The following FERMT1 variants were observed in gnomAD, a reference collection of about 807,000 sequenced individuals.
FERMT1 encodes the protein fermitin family homolog 1.
Under a neutral mutation model 85.3 loss-of-function variants are expected in FERMT1, and 60 were observed. The observed-to-expected ratio is 0.70, with a 90% CI of 0.57 to 0.87. The LOEUF (loss-of-function observed/expected upper bound fraction) is 0.87, where lower values mean the gene tolerates loss of function less well. Ranked by LOEUF, FERMT1 falls within the 40% of genes least tolerant of loss-of-function variation. FERMT1 has a pLI of 0.00. For missense variants in FERMT1, 701 were observed against 818.9 expected, an observed-to-expected ratio of 0.86 and a Z score of 1.76; for synonymous variants, 275 against 301.1, an observed-to-expected ratio of 0.91 and a Z score of 0.90.
rs2232084 is a variant in FERMT1, at chr20:6,077,101, C to A, written c.*72G>T. Reference sequence around the variant, plus strand: ...TAGTCCAGAATCTACATGCTGGGCACGTTAGGGATCCCTCTGGGGAGGGGC... The same window carrying A: ...TAGTCCAGAATCTACATGCTGGGCAAGTTAGGGATCCCTCTGGGGAGGGGC... On this transcript the variant is annotated 3_prime_UTR_variant, in exon 15 of 15. Coordinates refer to ENST00000217289, the MANE Select transcript of FERMT1 (RefSeq NM_017671.5). 5,435 of 1,468,734 alleles carry A rather than the reference C, an allele frequency of 3.7e-3. 126 individuals carry two copies. The African/African-American group carries it at 0.057, about 15-fold the overall frequency. 91.0% of individuals were successfully genotyped at this position (1,468,734 alleles called of 1,614,324 possible).
chr20:6,107,775 T>G, intron 5 of FERMT1, 141 bp from the exon 6 acceptor site: 2 of 565,708 alleles, frequency 3.5e-6, no homozygotes, highest in East Asian at 6.9e-5. Flanking sequence ...GTATCACTAA[T>G]TTGAAAATCT....
At chr20:6,093,698 T>A (rs1218478738) in intron 9 of FERMT1, among the ~76,000 whole-genome samples, 1 of 152,244 alleles carries the variant, frequency 6.6e-6, no homozygotes, top group East Asian at 1.9e-4. Context: ...GGCTCACGCC[T>A]GTAATCCCAG....
chr20:6,084,131 C>A lies in FERMT1; in HGVS notation c.1627G>T (p.Val543Leu). 3 of 1,613,424 alleles carry A rather than the reference C, an allele frequency of 1.9e-6. 1 individual carries two copies. The highest frequency in any genetic ancestry group is 2.2e-5 in the South Asian group (2 of 90,936). The change falls in exon 13 of 15, where the codon GTG becomes TTG. Residue 543 changes from valine (V) to leucine (L), a missense_variant. Coordinates refer to ENST00000217289, the MANE Select transcript of FERMT1 (RefSeq NM_017671.5). ...AARILEAHQN[V>L]AQMPLVEAKL... The stretch of plus-strand genomic sequence containing the variant: ...GCTTCGACCAGGGGCATCTGGGCCA[C>A]GTTCTGGTGCGCCTCCAGGATCCGG...
At chr20:6,106,946 C>G (rs1476483537) in intron 6 of FERMT1, among the ~76,000 whole-genome samples, 1 of 152,110 alleles carries the variant, frequency 6.6e-6, no homozygotes, top group African/African-American at 2.4e-5. Context: ...GCCTGTAATC[C>G]CAGCACTTTG....
chr20:6,078,257 C>T (rs1981888950), intron 14 of FERMT1, among the ~76,000 whole-genome samples: 2 of 152,190 alleles, frequency 1.3e-5, no homozygotes, highest in South Asian at 2.1e-4. Flanking sequence ...CGCATCAAGG[C>T]TTTAGAGCTA....
Position 6,085,272 on chromosome 20 carries a change from G to A in FERMT1, c.1387C>T (p.Gln463Ter). 6.2e-7 allele frequency: 1 copy of A among 1,613,592 alleles called. No individual in the cohort carries two copies. The highest frequency in any genetic ancestry group is 8.5e-7 in the Non-Finnish European group (1 of 1,180,014). The change falls in exon 12 of 15, where the codon CAA becomes TAA. Residue 463 changes from glutamine to a stop codon, truncating the protein, a stop_gained. Coordinates refer to ENST00000217289, the MANE Select transcript of FERMT1 (RefSeq NM_017671.5). LOFTEE classifies it high-confidence loss of function. ...LRCDHENQYA[Q>*]WMAACMLASK... ...GCCAACATGCAGGCAGCCATCCATT[G>A]GGCGTATTGATTCTCCTGCAGCAAA...
rs1482939274 is a variant in FERMT1 at position 6,107,592 on chromosome 20, T to G, written c.789A>C (p.Gln263His). The G allele has an allele frequency of 6.2e-7, 1 of 1,613,092 alleles. No homozygotes were observed. Among genetic ancestry groups the G allele is most frequent in the South Asian group, 1.1e-5 (1 of 91,056 alleles). The change falls in exon 6 of 15, where the codon CAA becomes CAC. Residue 263 changes from glutamine to histidine, a missense_variant. Transcript: ENST00000217289. ...SSRSLMEQGI[Q>H]EDEQLLLRFK... ...ATCGTAAGAGCAGCTGCTCATCCTC[T>G]TGGATGCCTTGTTCCATAAGGGAGC...
chr20:6,097,457 A>G (rs1232052995), intron 7 of FERMT1, 67 bp downstream of exon 7: 3 of 1,091,776 alleles, frequency 2.7e-6, no homozygotes, highest in African/African-American at 1.5e-5. Context: ...TATGAAGCAT[A>G]TGAAACTTCA....
intron 9 of FERMT1, among the ~76,000 whole-genome samples, chr20:6,093,505 C>T (rs1982420689): frequency 1.3e-5 from 2 of 152,116 alleles, no homozygotes; most frequent in Admixed American, 1.3e-4. Flanking sequence ...CTTGATTTGC[C>T]CTCTACAGAG....
chr20:6,091,831 C>T (rs1982377492), intron 9 of FERMT1, among the ~76,000 whole-genome samples: 1 of 152,104 alleles, frequency 6.6e-6, no homozygotes, highest in Non-Finnish European at 1.5e-5. Flanking sequence ...CTGCTCTATG[C>T]AGCAAAGCCT....
chr20:6,089,368 T>C (rs1408926499), intron 9 of FERMT1, among the ~76,000 whole-genome samples: 1 of 152,200 alleles, frequency 6.6e-6, no homozygotes, highest in African/African-American at 2.4e-5. Context: ...CTGCGTGCAC[T>C]GCCTCTGTGT....
At position 6,116,039 on chromosome 20, in the gene FERMT1, A is replaced by T. The variant is rs747990571; in HGVS notation, c.157T>A (p.Ser53Thr). The T allele has an allele frequency of 5.6e-6, 9 of 1,612,322 alleles. No homozygotes were observed. The African/African-American group carries it at 8.0e-5, about 14-fold the overall frequency. The change falls in exon 3 of 15, where the codon TCC becomes ACC. Residue 53 changes from serine (S) to threonine (T), a missense_variant. Transcript: ENST00000217289. ...MLKLVEQINI[S>T]QDWSDFALWW... ...AGAGCAAAGTCTGACCAGTCTTGGGATATATCTGCAAAAATGAAAGCACAA... is the reference window on the plus strand; with the variant it reads ...AGAGCAAAGTCTGACCAGTCTTGGGTTATATCTGCAAAAATGAAAGCACAA...
In FERMT1 at chr20:6,084,154, C is replaced by T. The variant is rs373229817; in HGVS notation, c.1604G>A (p.Arg535Gln). ...KRHKSKQLAA[R>Q]ILEAHQNVAQ... Reference sequence around the variant, plus strand: ...CACGTTCTGGTGCGCCTCCAGGATCCGGGCGGCCAGCTGAACAGAAACAGA... The same window carrying T: ...CACGTTCTGGTGCGCCTCCAGGATCTGGGCGGCCAGCTGAACAGAAACAGA... Residue 535 changes from arginine (R) to glutamine (Q), a missense_variant, in exon 13 of 15, where the codon CGG becomes CAG. Transcript: ENST00000217289. The T allele has an allele frequency of 5.7e-5, 92 of 1,611,774 alleles. No individual in the cohort carries two copies. Among genetic ancestry groups the T allele is most frequent in the East Asian group, 8.9e-5 (4 of 44,836 alleles).
chr20:6,083,699 A>AC (rs1408026775), intron 13 of FERMT1, among the ~76,000 whole-genome samples: 2 of 149,784 alleles, frequency 1.3e-5, no homozygotes, highest in Non-Finnish European at 3.0e-5. Context: ...CTCTTAAAAA[A>AC]AAAAAACAAA....
In FERMT1 at chr20:6,112,460, C is replaced by T. The variant is rs779007174; in HGVS notation, c.532+17G>A. ...TACTGTACGTTCAAACAACAAAACA[C>T]CTGTAACAAGTCTTACCTGATGAAC... is the stretch of plus-strand genomic sequence containing the variant. On this transcript the variant is annotated intron_variant, in intron 4 of 14. Transcript: ENST00000217289. 1.2e-6 allele frequency: 2 copies of T among 1,612,830 alleles called. No individual in the cohort carries two copies. The highest frequency in any genetic ancestry group is 1.7e-6 in the Non-Finnish European group (2 of 1,179,000).
chr20:6,084,263 T>G (rs995337328), intron 12 of FERMT1, 99 bp from the exon 13 acceptor site: 2 of 1,315,188 alleles, frequency 1.5e-6, no homozygotes, highest in African/African-American at 1.5e-5. Flanking sequence ...ACACTCAAGG[T>G]CCGTCTGCAG....
rs1347146384 is a variant in FERMT1 at position 6,084,023 on chromosome 20, G to A, written c.1718+17C>T. ...ATTGAATGGAAAGTGTGAGAAACAA[G>A]TGAACATTGTAATCACCTGACAAGG... is the stretch of plus-strand genomic sequence containing the variant. On this transcript the variant is annotated intron_variant, in intron 13 of 14. Coordinates refer to ENST00000217289, the MANE Select transcript of FERMT1 (RefSeq NM_017671.5). The A allele has an allele frequency of 6.2e-7, 1 of 1,614,090 alleles. No individual in the cohort carries two copies. Among genetic ancestry groups the A allele is most frequent in the Non-Finnish European group, 8.5e-7 (1 of 1,179,980 alleles).
At chr20:6,120,317 A>T (rs576321571) in intron 1 of FERMT1, 1 of 152,384 alleles carries the variant, frequency 6.6e-6, no homozygotes, top group Non-Finnish European at 1.5e-5. Context: ...AAATGCACCA[A>T]TTAAAAATTT....
At chr20:6,096,821 C>G in intron 8 of FERMT1, 81 bp downstream of exon 8, 4 of 470,216 alleles carry the variant, frequency 8.5e-6, no homozygotes, top group Non-Finnish European at 1.1e-5. Context: ...ATGAAATATT[C>G]TCTTCTAATA....
Sources: gnomAD v4.1 joint callset for allele counts (sites outside exome capture counted in the v4.1 genomes callset) on GRCh38, gnomAD v4.1.1 for gene constraint, MANE v1.5 for transcripts, NCBI Gene and HGNC (gene_info 2026-07-23, HGNC 2026-07-21) for gene names.